SYCP1: variants seen among roughly 807,000 people sequenced by gnomAD.
The protein encoded by SYCP1 is synaptonemal complex protein 1.
In SYCP1, 64 loss-of-function variants were observed where a neutral mutation model predicts 153.1. The observed-to-expected ratio is 0.42, with a 90% CI of 0.34 to 0.51. The LOEUF (loss-of-function observed/expected upper bound fraction) is 0.51, where lower values mean the gene tolerates loss of function less well. Among genes scored for constraint, SYCP1 ranks in the 20% least tolerant of loss-of-function variants. SYCP1 has a pLI of 0.06. For synonymous variants in SYCP1, 384 were observed against 341.8 expected, an observed-to-expected ratio of 1.12 and a Z score of -1.36; for missense variants, 997 against 1,049.0, an observed-to-expected ratio of 0.95 and a Z score of 0.68.
At chr1:114,933,571 A>T (rs1422697952) in intron 23 of SYCP1, among the ~76,000 whole-genome samples, 1 of 152,240 alleles carries the variant, frequency 6.6e-6, no homozygotes, top group African/African-American at 2.4e-5. Context: ...TTGAGAGAAG[A>T]AGGCTTCAGA....
At chr1:114,913,896 G>A in intron 19 of SYCP1, 79 bp from the exon 20 acceptor site, 1 of 1,059,820 alleles carries the variant, frequency 9.4e-7, no homozygotes, top group Non-Finnish European at 1.3e-6. Flanking sequence ...TATGCTGATA[G>A]ATAAAGGTCT....
chr1:114,949,964 C>T (rs1670985960), intron 27 of SYCP1, among the ~76,000 whole-genome samples: 1 of 152,174 alleles, frequency 6.6e-6, no homozygotes, highest in Non-Finnish European at 1.5e-5. Context: ...CACATGCACA[C>T]ACACAAATAT....
chr1:114,948,213 C>T (rs1470943594), intron 27 of SYCP1, among the ~76,000 whole-genome samples: 1 of 151,796 alleles, frequency 6.6e-6, no homozygotes, highest in African/African-American at 2.4e-5. Flanking sequence ...ATTGATTCAC[C>T]CTATAAATGA....
intron 8 of SYCP1, among the ~76,000 whole-genome samples, chr1:114,871,809 C>T (rs1665153062): frequency 6.6e-6 from 1 of 152,296 alleles, no homozygotes; most frequent in African/African-American, 2.4e-5. Context: ...TGGTCTTGAA[C>T]TCCTGACCTC....
chr1:114,858,519 A>G (rs747396256), intron 5 of SYCP1, 28 bp from the exon 6 acceptor site: 1 of 1,539,924 alleles, frequency 6.5e-7, no homozygotes, highest in Non-Finnish European at 8.7e-7. Flanking sequence ...ATTTTGGACA[A>G]TTAATTTTTG....
At position 114,933,786 on chromosome 1, in the gene SYCP1, T is replaced by G. The variant is rs113124742; in HGVS notation, c.1926+7223T>G. 5.1e-3 allele frequency among the ~76,000 whole-genome samples: 780 copies of G among 152,140 alleles called. 8 individuals are homozygous for G. The highest frequency in any genetic ancestry group is 0.018 in the African/African-American group (759 of 41,488). On this transcript the variant is annotated intron_variant, in intron 23 of 31. Transcript: ENST00000369522. Reference sequence around the variant, plus strand: ...GCACAAGCTTCAGTAGCTGATTCGATCAAGTGGAAGAAAGGGTATCAGTGA... The same window carrying G: ...GCACAAGCTTCAGTAGCTGATTCGAGCAAGTGGAAGAAAGGGTATCAGTGA...
Position 114,890,646 on chromosome 1 carries a change from G to T in SYCP1, c.1258+2953G>T, listed in dbSNP as rs559586155. Reference sequence around the variant, plus strand: ...GATGAAGGAGTGTACAAAACATCATGTGTAGGAAGGTAGCATTAACAGTGA... The same window carrying T: ...GATGAAGGAGTGTACAAAACATCATTTGTAGGAAGGTAGCATTAACAGTGA... On this transcript the variant is annotated intron_variant, in intron 15 of 31. Coordinates refer to ENST00000369522, the MANE Select transcript of SYCP1 (RefSeq NM_003176.4). Among the ~76,000 whole-genome samples the T allele has an allele frequency of 5.2e-4, 79 of 152,232 alleles. 1 individual carries two copies. Among genetic ancestry groups the T allele is most frequent in the African/African-American group, 1.7e-3 (69 of 41,548 alleles).
chr1:114,912,060 A>G (rs1369989698), intron 18 of SYCP1, among the ~76,000 whole-genome samples: 1 of 152,044 alleles, frequency 6.6e-6, no homozygotes, highest in Non-Finnish European at 1.5e-5. Flanking sequence ...AAATTCAAGT[A>G]GCCAGTATAG....
At chr1:114,922,846 A>G (rs960550921) in intron 20 of SYCP1, among the ~76,000 whole-genome samples, 1 of 152,112 alleles carries the variant, frequency 6.6e-6, no homozygotes, top group Non-Finnish European at 1.5e-5. Flanking sequence ...AATCCCCTCC[A>G]CCTGTAAAAT....
chr1:114,871,864 G>A (rs1665159439), intron 8 of SYCP1, among the ~76,000 whole-genome samples: 1 of 152,212 alleles, frequency 6.6e-6, no homozygotes. Flanking sequence ...GGGATTACAG[G>A]TGTGAGCCAC....
chr1:114,879,586 A>G (rs1355737409), intron 12 of SYCP1, among the ~76,000 whole-genome samples: 4 of 152,146 alleles, frequency 2.6e-5, no homozygotes, highest in African/African-American at 9.7e-5. Context: ...GGTCTTAAAT[A>G]TCTTTGTAAC....
upstream of SYCP1, chr1:114,854,709 T>C (rs1663812603): frequency 1.3e-5 from 2 of 152,186 alleles, 1 homozygote; most frequent in South Asian, 4.1e-4. Flanking sequence ...TCTTTGACAA[T>C]AGCAGAAGCC....
intron 11 of SYCP1, 76 bp from the exon 12 acceptor site, chr1:114,878,018 T>C: frequency 2.3e-6 from 2 of 854,038 alleles, no homozygotes; most frequent in South Asian, 1.8e-5. Flanking sequence ...GTACATAAAA[T>C]AATTGTAGGT....
chr1:114,897,424 G>GCAC, intron 16 of SYCP1, among the ~76,000 whole-genome samples: 1 of 152,224 alleles, frequency 6.6e-6, no homozygotes, highest in East Asian at 1.9e-4. Flanking sequence ...AAATCCCAAG[G>GCAC]CCTTTTACCA....
chr1:114,906,076 C>T (rs778682482), intron 16 of SYCP1, among the ~76,000 whole-genome samples: 1 of 151,980 alleles, frequency 6.6e-6, no homozygotes, highest in Non-Finnish European at 1.5e-5. Context: ...AGTCATTCTC[C>T]TGCTTCAGCC....
Position 114,944,332 on chromosome 1 carries a change from C to T in SYCP1, c.1927-7C>T. The T allele has an allele frequency of 6.6e-7, 1 of 1,507,912 alleles. No individual in the cohort carries two copies. The highest frequency in any genetic ancestry group is 9.1e-7 in the Non-Finnish European group (1 of 1,094,418). 93.4% of individuals were successfully genotyped at this position (1,507,912 alleles called of 1,614,324 possible). ...CTAATATTCATGCTATTTTTCTTTA[C>T]TTAAAGGTCAATAAATTAGAGTTAG... is the stretch of plus-strand genomic sequence containing the variant. On this transcript the variant is annotated splice_polypyrimidine_tract_variant and splice_region_variant and intron_variant, in intron 23 of 31. Coordinates refer to ENST00000369522, the MANE Select transcript of SYCP1 (RefSeq NM_003176.4).
chr1:114,945,370 G>C (rs1360761180), intron 25 of SYCP1, among the ~76,000 whole-genome samples: 1 of 151,844 alleles, frequency 6.6e-6, no homozygotes, highest in African/African-American at 2.4e-5. Flanking sequence ...GGAATAAATA[G>C]ATGAAATACT....
intron 9 of SYCP1, among the ~76,000 whole-genome samples, chr1:114,874,986 T>C (rs565732117): frequency 6.6e-6 from 1 of 152,300 alleles, no homozygotes; most frequent in South Asian, 2.1e-4. Flanking sequence ...TGATGGTGGT[T>C]CTTTGAATTT....
intron 8 of SYCP1, among the ~76,000 whole-genome samples, chr1:114,870,733 A>G (rs772709054): frequency 6.6e-6 from 1 of 152,070 alleles, no homozygotes; most frequent in African/African-American, 2.4e-5. Context: ...TTATCCATTT[A>G]CTTTTATTCT....
Sources: gnomAD v4.1 joint callset for allele counts (sites outside exome capture counted in the v4.1 genomes callset) on GRCh38, gnomAD v4.1.1 for gene constraint, MANE v1.5 for transcripts, NCBI Gene and HGNC (gene_info 2026-07-23, HGNC 2026-07-21) for gene names.